Variants in TNRC6B observed in about 807,000 individuals in gnomAD.
TNRC6B encodes the protein trinucleotide repeat-containing gene 6B protein.
Under a neutral mutation model 203.6 loss-of-function variants are expected in TNRC6B, and 52 were observed. That is an observed-to-expected ratio of 0.26 (90% CI 0.20 to 0.32). The LOEUF is 0.32. TNRC6B is among the 10% of genes least tolerant of loss of function. The pLI is 1.00. For missense variants in TNRC6B, 1,923 were observed against 2,286.2 expected (o/e 0.84, Z 3.24); for synonymous variants, 838 against 845.7 (o/e 0.99, Z 0.16).
intron 3 of TNRC6B, among the ~76,000 whole-genome samples, chr22:40,259,982 A>C (rs1313438605): frequency 1.3e-5 from 2 of 152,144 alleles, no homozygotes. Context: ...TTCTGGCAGC[A>C]TGCAGCGAGG....
chr22:40,175,475 G>C (rs912107983), upstream of TNRC6B, among the ~76,000 whole-genome samples: 1 of 152,024 alleles, frequency 6.6e-6, no homozygotes, highest in African/African-American at 2.4e-5. Flanking sequence ...CACTTACAAG[G>C]CAACACATAT....
intron 1 of TNRC6B, among the ~76,000 whole-genome samples, chr22:40,218,666 C>T (rs987118323): frequency 1.3e-5 from 2 of 152,086 alleles, no homozygotes; most frequent in African/African-American, 2.4e-5. Flanking sequence ...TAAAGACTGA[C>T]AGACATTCTT....
upstream of TNRC6B, among the ~76,000 whole-genome samples, chr22:40,175,154 C>A (rs970677688): frequency 6.6e-6 from 1 of 151,938 alleles, no homozygotes; most frequent in Admixed American, 6.6e-5. Context: ...GTCAGGAGTT[C>A]GAGACCAGCC....
rs770239872 is a variant in TNRC6B, at chr22:40,301,203, G to A, written c.3990G>A (p.Gln1330=). Residue 1330 remains glutamine (Q), a synonymous_variant, in exon 15 of 23, where the codon CAG becomes CAA. Coordinates refer to ENST00000454349, the MANE Select transcript of TNRC6B (RefSeq NM_001162501.2). ...LQQQQQQQQR[Q]PGMKHSPSHP... Reference sequence around the variant, plus strand: ...AGCAGCAGCAGCAGCAGCAGAGGCAGCCAGGCATGAAGCACTCGCCCTCTC... The same window carrying A: ...AGCAGCAGCAGCAGCAGCAGAGGCAACCAGGCATGAAGCACTCGCCCTCTC... The A allele has an allele frequency of 1.3e-6, 2 of 1,554,410 alleles. No individual in the cohort carries two copies. Among genetic ancestry groups the A allele is most frequent in the South Asian group, 2.4e-5 (2 of 84,312 alleles).
chr22:40,161,016 C>G (rs966064998), intron 4 of TNRC6B, among the ~76,000 whole-genome samples: 1 of 151,726 alleles, frequency 6.6e-6, no homozygotes, highest in Non-Finnish European at 1.5e-5. Flanking sequence ...TGTAGGAGCC[C>G]TTTATACATT....
intron 1 of TNRC6B, among the ~76,000 whole-genome samples, chr22:40,180,148 G>C (rs2069113716): frequency 2.0e-5 from 3 of 152,204 alleles, no homozygotes; most frequent in South Asian, 4.1e-4. Context: ...CTTAGTGATA[G>C]AGAATGTTGC....
chr22:40,296,580 C>T (rs2070945907), intron 12 of TNRC6B, among the ~76,000 whole-genome samples: 1 of 151,684 alleles, frequency 6.6e-6, no homozygotes, highest in Non-Finnish European at 1.5e-5. Context: ...GACCCACCTG[C>T]CTCGGCTTCC....
At chr22:40,202,953 C>A (rs1200508870) in intron 1 of TNRC6B, among the ~76,000 whole-genome samples, 1 of 152,100 alleles carries the variant, frequency 6.6e-6, no homozygotes, top group Non-Finnish European at 1.5e-5. Flanking sequence ...AATGTTTGAT[C>A]TAACACACTG....
In TNRC6B at chr22:40,183,217, G is replaced by A. The variant is rs115037058; in HGVS notation, c.5+5077G>A. ...GCATAAAGGAAATGCTATATGTGAG[G>A]GCTGGGCACCTAGTCTTGTTGCTTA... On this transcript the variant is annotated intron_variant, in intron 1 of 22. Transcript: ENST00000454349. Among the ~76,000 whole-genome samples the A allele has an allele frequency of 4.5e-3, 689 of 152,238 alleles. 7 individuals carry two copies. Among genetic ancestry groups the A allele is most frequent in the African/African-American group, 0.015 (630 of 41,526 alleles).
intron 1 of TNRC6B, among the ~76,000 whole-genome samples, chr22:40,233,676 A>G (rs2146453770): frequency 6.6e-6 from 1 of 152,342 alleles, no homozygotes; most frequent in South Asian, 2.1e-4. Context: ...AGACAAGCCA[A>G]TTCCTTGCAT....
At chr22:40,164,202 T>C (rs1186219176) in intron 4 of TNRC6B, among the ~76,000 whole-genome samples, 1 of 140,034 alleles carries the variant, frequency 7.1e-6, no homozygotes, top group South Asian at 2.3e-4. Flanking sequence ...ACCAGCATGG[T>C]GAAAACCCAT....
At chr22:40,220,090 G>C (rs1334104922) in intron 1 of TNRC6B, among the ~76,000 whole-genome samples, 4 of 152,180 alleles carry the variant, frequency 2.6e-5, no homozygotes, top group Non-Finnish European at 4.4e-5. Context: ...AACTCCTTGA[G>C]AATCGCTGCG....
chr22:40,316,041 A>G, intron 21 of TNRC6B, 29 bp downstream of exon 21: 7 of 1,594,830 alleles, frequency 4.4e-6, no homozygotes, highest in Non-Finnish European at 6.0e-6. Flanking sequence ...AGTTTTCTAG[A>G]TAGGACTTGA....
chr22:40,075,631 T>C (rs1431037238), intron 1 of TNRC6B, among the ~76,000 whole-genome samples: 1 of 152,220 alleles, frequency 6.6e-6, no homozygotes, highest in East Asian at 1.9e-4. Flanking sequence ...ATTTTCAATA[T>C]GGTTGGGTTT....
intron 3 of TNRC6B, among the ~76,000 whole-genome samples, chr22:40,154,500 A>G (rs2068792475): frequency 6.6e-6 from 1 of 150,586 alleles, no homozygotes. Context: ...AAATAAAAGC[A>G]TGTATATACG....
intron 1 of TNRC6B, among the ~76,000 whole-genome samples, chr22:40,219,643 A>G (rs1476287437): frequency 1.3e-5 from 2 of 152,068 alleles, no homozygotes; most frequent in African/African-American, 4.8e-5. Flanking sequence ...CTTCACACTC[A>G]AACAAGGCTG....
intron 3 of TNRC6B, among the ~76,000 whole-genome samples, chr22:40,136,627 T>C (rs1458334720): frequency 6.6e-6 from 1 of 151,896 alleles, no homozygotes; most frequent in African/African-American, 2.4e-5. Context: ...TAGGCTGGTG[T>C]TGAACTCCTG....
chr22:40,306,973 G>C (rs143388078), intron 15 of TNRC6B, among the ~76,000 whole-genome samples: 1 of 152,266 alleles, frequency 6.6e-6, no homozygotes, highest in East Asian at 1.9e-4. Context: ...GGGTGACAGA[G>C]ACTCCATCTC....
At chr22:40,160,014 C>T (rs1382993998) in intron 4 of TNRC6B, among the ~76,000 whole-genome samples, 4 of 152,092 alleles carry the variant, frequency 2.6e-5, no homozygotes, top group East Asian at 1.9e-4. Context: ...TGAGGTCTCA[C>T]GTTGTTGCCC....
Sources: allele counts gnomAD v4.1 joint callset (sites outside exome capture counted in the v4.1 genomes callset), GRCh38; gene constraint gnomAD v4.1.1; transcripts MANE v1.5; gene names NCBI Gene and HGNC (gene_info 2026-07-23, HGNC 2026-07-21).